The following EEFSEC variants were observed in gnomAD, a reference collection of about 807,000 sequenced individuals.
EEFSEC encodes the protein eukaryotic elongation factor, selenocysteine-tRNA specific.
A neutral mutation model predicts 42.1 loss-of-function variants in EEFSEC; 43 were observed. That is an observed-to-expected ratio of 1.02 (90% CI 0.80 to 1.32). EEFSEC has a LOEUF of 1.32. Among genes scored for constraint, EEFSEC ranks in the 40% most tolerant of loss-of-function variants. The pLI is 0.00. For missense variants in EEFSEC, 745 were observed against 803.6 expected (o/e 0.93, Z 0.88); for synonymous variants, 354 against 339.1 (o/e 1.04, Z -0.48).
chr3:128,381,073 G>A (rs2107614339), intron 6 of EEFSEC, among the ~76,000 whole-genome samples: 1 of 152,362 alleles, frequency 6.6e-6, no homozygotes, highest in African/African-American at 2.4e-5. Flanking sequence ...GCAGAGTGGA[G>A]CTGGGATTTC....
intron 6 of EEFSEC, among the ~76,000 whole-genome samples, chr3:128,390,858 C>T (rs2067904087): frequency 6.6e-6 from 1 of 152,266 alleles, no homozygotes; most frequent in Admixed American, 6.5e-5. Context: ...CCAGTGCTGG[C>T]CCTTGGGGCC....
At chr3:128,369,141 C>T (rs1006800548) in intron 6 of EEFSEC, among the ~76,000 whole-genome samples, 1 of 152,166 alleles carries the variant, frequency 6.6e-6, no homozygotes, top group Admixed American at 6.5e-5. Context: ...GACTGGCCCA[C>T]CAGACCCTGA....
intron 6 of EEFSEC, among the ~76,000 whole-genome samples, chr3:128,365,574 ACC>A (rs2067580760): frequency 6.6e-6 from 1 of 151,192 alleles, no homozygotes; most frequent in Admixed American, 6.6e-5. Flanking sequence ...TGCTGTGTGC[ACC>A]CACCCCTCAC....
chr3:128,240,977 T>C (rs2066064160), intron 1 of EEFSEC, among the ~76,000 whole-genome samples: 1 of 152,238 alleles, frequency 6.6e-6, no homozygotes. Flanking sequence ...AGCTGTGTTC[T>C]GAGTTGGGGA....
intron 6 of EEFSEC, among the ~76,000 whole-genome samples, chr3:128,399,779 T>G (rs2068027526): frequency 6.6e-6 from 1 of 151,882 alleles, no homozygotes; most frequent in Non-Finnish European, 1.5e-5. Flanking sequence ...TCCCCAGCCC[T>G]GCCAGGCCTG....
chr3:128,350,758 C>T (rs1365038128), intron 5 of EEFSEC, among the ~76,000 whole-genome samples: 2 of 152,174 alleles, frequency 1.3e-5, no homozygotes, highest in Admixed American at 6.5e-5. Flanking sequence ...CTCGATGTGG[C>T]CGTGGGCAAG....
chr3:128,220,763 G>C (rs999094383), intron 1 of EEFSEC, among the ~76,000 whole-genome samples: 1 of 152,166 alleles, frequency 6.6e-6, no homozygotes. Context: ...AACCTCCCGG[G>C]AGTATCCTGC....
the EEFSEC span, among the ~76,000 whole-genome samples, chr3:128,423,639 T>C: frequency 6.6e-6 from 1 of 152,164 alleles, no homozygotes; most frequent in Non-Finnish European, 1.5e-5. Context: ...GGCAAACCTA[T>C]AGATGCAGAA....
chr3:128,370,315 G>T (rs2067639193), intron 6 of EEFSEC, among the ~76,000 whole-genome samples: 1 of 152,210 alleles, frequency 6.6e-6, no homozygotes, highest in South Asian at 2.1e-4. Flanking sequence ...GTTCAATGAG[G>T]TGATGAAGAC....
At chr3:128,396,451 C>A (rs542200903) in intron 6 of EEFSEC, among the ~76,000 whole-genome samples, 1 of 152,166 alleles carries the variant, frequency 6.6e-6, no homozygotes, top group Admixed American at 6.5e-5. Context: ...AGTTGAGGCA[C>A]AGAAAGCACT....
chr3:128,189,646 C>T (rs1254768463), intron 1 of EEFSEC, among the ~76,000 whole-genome samples: 4 of 151,792 alleles, frequency 2.6e-5, no homozygotes, highest in Non-Finnish European at 2.9e-5. Context: ...CAACCTCTGC[C>T]GCCTTGCCTC....
chr3:128,336,452 A>G (rs1315255666), intron 4 of EEFSEC, among the ~76,000 whole-genome samples: 1 of 152,038 alleles, frequency 6.6e-6, no homozygotes, highest in Non-Finnish European at 1.5e-5. Flanking sequence ...CCTGTGCCCC[A>G]TCACTGGTGG....
chr3:128,169,576 C>G (rs1048634122), intron 1 of EEFSEC, among the ~76,000 whole-genome samples: 3 of 152,176 alleles, frequency 2.0e-5, no homozygotes, highest in African/African-American at 4.8e-5. Context: ...ACTGTAACCC[C>G]TTATTTCCAT....
At chr3:128,248,382 C>G (rs2066149586) in intron 2 of EEFSEC, among the ~76,000 whole-genome samples, 2 of 152,164 alleles carry the variant, frequency 1.3e-5, no homozygotes, top group African/African-American at 4.8e-5. Flanking sequence ...ACCTGCAGCT[C>G]TCCCTCAGAA....
chr3:128,253,559 C>T (rs558379293), intron 2 of EEFSEC, among the ~76,000 whole-genome samples: 1 of 152,296 alleles, frequency 6.6e-6, no homozygotes, highest in East Asian at 1.9e-4. Flanking sequence ...GAGTTCTTTT[C>T]CTGCCTTTCC....
At chr3:128,175,150 T>C (rs1011865090) in intron 1 of EEFSEC, among the ~76,000 whole-genome samples, 2 of 139,372 alleles carry the variant, frequency 1.4e-5, no homozygotes, top group Non-Finnish European at 3.1e-5. Context: ...CCCCCGCTCC[T>C]CCTTCCCCTC....
intron 5 of EEFSEC, among the ~76,000 whole-genome samples, chr3:128,349,336 T>G (rs1342990524): frequency 6.6e-6 from 1 of 152,128 alleles, no homozygotes; most frequent in African/African-American, 2.4e-5. Flanking sequence ...GAGGGGAGGC[T>G]CAGCCTCTCT....
chr3:128,379,509 G>A (rs1482260287), intron 6 of EEFSEC, among the ~76,000 whole-genome samples: 2 of 152,282 alleles, frequency 1.3e-5, no homozygotes, highest in East Asian at 1.9e-4. Flanking sequence ...AACACAATAC[G>A]TTAAAAATAT....
At chr3:128,190,161 C>T (rs2065508458) in intron 1 of EEFSEC, among the ~76,000 whole-genome samples, 1 of 152,236 alleles carries the variant, frequency 6.6e-6, no homozygotes, top group Non-Finnish European at 1.5e-5. Flanking sequence ...CCATGCCCAG[C>T]CGCTCCTTCT....
Sources: gnomAD v4.1 joint callset for allele counts (sites outside exome capture counted in the v4.1 genomes callset) on GRCh38, gnomAD v4.1.1 for gene constraint, MANE v1.5 for transcripts, NCBI Gene and HGNC (gene_info 2026-07-23, HGNC 2026-07-21) for gene names.